PCDH11X: variants seen among roughly 807,000 people sequenced by gnomAD.
The protein encoded by PCDH11X is protocadherin-11 X-linked.
Under a neutral mutation model 53.3 loss-of-function variants are expected in PCDH11X, and 18 were observed. That is an observed-to-expected ratio of 0.34 (90% CI 0.23 to 0.50). PCDH11X has a LOEUF of 0.50. PCDH11X is among the 20% of genes least tolerant of loss of function. PCDH11X has a pLI of 0.98. For missense variants in PCDH11X, 570 were observed against 1,032.4 expected (o/e 0.55, Z 6.14); for synonymous variants, 279 against 393.3 (o/e 0.71, Z 3.44).
chrX:91,825,373 CG>C (rs1300909741), intron 4 of PCDH11X, among the ~76,000 whole-genome samples: 1 of 111,763 alleles, frequency 8.9e-6, no homozygotes, highest in Non-Finnish European at 1.9e-5. Flanking sequence ...GATATAATCT[CG>C]TGGTGCGCCG....
chrX:92,111,825 C>T (rs1468999462), intron 6 of PCDH11X, among the ~76,000 whole-genome samples: 2 of 109,917 alleles, frequency 1.8e-5, no homozygotes, highest in Admixed American at 9.7e-5. Flanking sequence ...TGGCCGATCT[C>T]GGCTCACTGC....
chrX:92,534,235 G>T (rs1286769168), intron 10 of PCDH11X, among the ~76,000 whole-genome samples: 1 of 110,916 alleles, frequency 9.0e-6, no homozygotes, highest in East Asian at 2.9e-4. Flanking sequence ...GAAAACCATG[G>T]CACGAGAACT....
At chrX:91,975,322 A>G (rs2062032121) in intron 6 of PCDH11X, among the ~76,000 whole-genome samples, 1 of 112,299 alleles carries the variant, frequency 8.9e-6, no homozygotes, top group Non-Finnish European at 1.9e-5. Context: ...AACTGAAAGA[A>G]TAGTTACTAT....
intron 1 of PCDH11X, among the ~76,000 whole-genome samples, chrX:91,799,920 C>G (rs915545364): frequency 1.4e-4 from 16 of 111,225 alleles, no homozygotes; most frequent in African/African-American, 5.2e-4. Context: ...ATAACGCCGT[C>G]TCTATTAAAA....
At chrX:92,234,788 T>C (rs1404941356) in intron 7 of PCDH11X, among the ~76,000 whole-genome samples, 2 of 111,243 alleles carry the variant, frequency 1.8e-5, no homozygotes, top group African/African-American at 6.5e-5. Context: ...ATAAGAACCA[T>C]GGAGGAAACA....
chrX:92,217,984 A>G (rs1203084514), intron 7 of PCDH11X, among the ~76,000 whole-genome samples: 2 of 108,619 alleles, frequency 1.8e-5, no homozygotes, highest in Non-Finnish European at 3.8e-5. Flanking sequence ...AGGCAGAAAT[A>G]AAGATGTTCT....
At chrX:91,838,737 G>A (rs1288264837) in intron 5 of PCDH11X, among the ~76,000 whole-genome samples, 1 of 108,123 alleles carries the variant, frequency 9.2e-6, no homozygotes, top group Non-Finnish European at 1.9e-5. Context: ...ATATTAATTT[G>A]CTCTACTTTT....
intron 5 of PCDH11X, among the ~76,000 whole-genome samples, chrX:91,875,742 A>G (rs1187454009): frequency 3.6e-5 from 4 of 110,800 alleles, no homozygotes; most frequent in African/African-American, 1.3e-4. Flanking sequence ...ACAGTAAGAA[A>G]ATAACATTGC....
intron 10 of PCDH11X, among the ~76,000 whole-genome samples, chrX:92,522,120 A>G (rs1183596985): frequency 2.5e-4 from 28 of 111,998 alleles, no homozygotes; most frequent in African/African-American, 4.9e-4. Context: ...TTGGCAAACT[A>G]TTTGGTGCAA....
chrX:92,435,028 T>C (rs897507504), intron 9 of PCDH11X, among the ~76,000 whole-genome samples: 2 of 110,707 alleles, frequency 1.8e-5, no homozygotes, highest in African/African-American at 6.6e-5. Context: ...GTGACAGACA[T>C]AGAATTGAGA....
At chrX:91,781,596 C>G (rs1310676594) in intron 1 of PCDH11X, among the ~76,000 whole-genome samples, 3 of 112,239 alleles carry the variant, frequency 2.7e-5, no homozygotes, top group South Asian at 3.7e-4. Context: ...AACAAACTCT[C>G]GCAATCCCAG....
intron 6 of PCDH11X, among the ~76,000 whole-genome samples, chrX:92,031,365 A>G (rs1020322377): frequency 1.0e-5 from 1 of 100,181 alleles, no homozygotes; most frequent in Non-Finnish European, 2.0e-5. Flanking sequence ...TAACCTCCTC[A>G]TATGTTCTGG....
At chrX:92,147,810 C>CTTCCTTTCTTT (rs1556065506) in intron 6 of PCDH11X, among the ~76,000 whole-genome samples, 3 of 70,198 alleles carry the variant, frequency 4.3e-5, no homozygotes, top group Non-Finnish European at 7.8e-5. Flanking sequence ...TTTCTTCCTT[C>CTTCCTTTCTTT]CTTTCTTTCT....
chrX:92,063,707 A>G (rs1156597808), intron 6 of PCDH11X, among the ~76,000 whole-genome samples: 2 of 111,604 alleles, frequency 1.8e-5, no homozygotes, highest in South Asian at 3.8e-4. Flanking sequence ...TGGAATTGCT[A>G]TCCTTTGGAT....
intron 6 of PCDH11X, among the ~76,000 whole-genome samples, chrX:92,021,565 G>A (rs1303382869): frequency 5.6e-5 from 6 of 106,857 alleles, no homozygotes; most frequent in Non-Finnish European, 7.7e-5. Flanking sequence ...TGAAAGAGAC[G>A]GGGAGAATGA....
At chrX:92,255,614 T>A (rs2067560202) in intron 7 of PCDH11X, among the ~76,000 whole-genome samples, 1 of 107,874 alleles carries the variant, frequency 9.3e-6, no homozygotes, top group South Asian at 4.1e-4. Context: ...TACAGATGGG[T>A]TTTTGGTGTG....
At chrX:92,343,693 G>A (rs980150593) in intron 8 of PCDH11X, among the ~76,000 whole-genome samples, 1 of 111,387 alleles carries the variant, frequency 9.0e-6, no homozygotes, top group Non-Finnish European at 1.9e-5. Context: ...AATACATTGT[G>A]CCTTTAGCAA....
At chrX:91,797,983 G>A (rs990082448) in intron 1 of PCDH11X, 4 of 111,002 alleles carry the variant, frequency 3.6e-5, no homozygotes, top group African/African-American at 1.3e-4. Context: ...TACAGACAAG[G>A]AAACAGCATG....
intron 8 of PCDH11X, among the ~76,000 whole-genome samples, chrX:92,382,847 A>G (rs1329039135): frequency 2.9e-5 from 3 of 104,363 alleles, no homozygotes; most frequent in Admixed American, 1.0e-4. Context: ...ACTTCTCTGC[A>G]GGGCTACAGA....
Sources: allele counts gnomAD v4.1 joint callset (sites outside exome capture counted in the v4.1 genomes callset), GRCh38; gene constraint gnomAD v4.1.1; transcripts MANE v1.5; gene names NCBI Gene and HGNC (gene_info 2026-07-23, HGNC 2026-07-21).